Variants in CCDC74B observed in about 807,000 individuals in gnomAD.
CCDC74B encodes coiled-coil domain containing 74B, also known as coiled-coil domain-containing protein 74B.
A neutral mutation model predicts 38.0 loss-of-function variants in CCDC74B; 34 were observed. That is an observed-to-expected ratio of 0.89 (90% CI 0.68 to 1.19). The LOEUF is 1.19. Ranked by LOEUF, CCDC74B falls within the 50% of genes most tolerant of loss-of-function variation. The probability of loss-of-function intolerance (pLI) is 0.00; values close to 1 mark genes in which losing one functional copy is unlikely to be tolerated. For missense variants in CCDC74B, 358 were observed against 406.0 expected (o/e 0.88, Z 1.02); for synonymous variants, 132 against 170.4 (o/e 0.77, Z 1.76).
chr2:130,143,057 T>A (rs1169873445), intron 2 of CCDC74B: 1 of 1,488,544 alleles, frequency 6.7e-7, no homozygotes, highest in Admixed American at 2.4e-5. Context: ...CCTCAGGCCC[T>A]GGGCTTCCTG....
In CCDC74B at chr2:130,140,212, C is replaced by T. The variant is rs538872305; in HGVS notation, c.645G>A (p.Glu215=). 4.2e-5 allele frequency: 67 copies of T among 1,613,294 alleles called. No homozygotes were observed. In the South Asian group the frequency reaches 7.1e-4, roughly 17 times the overall value. Residue 215 remains glutamate (E), a synonymous_variant, in exon 5 of 8, where the codon GAG becomes GAA. Coordinates refer to ENST00000409943, the MANE Select transcript of CCDC74B (RefSeq NM_001258307.2). ...TLRQCEVLIR[E]LWNTNLLQTQ... ...TCTGCAGGAGGTTGGTATTCCACAGCTCGCGGATGAGCACTTCGCACTGCC... is the reference window on the plus strand; with the variant it reads ...TCTGCAGGAGGTTGGTATTCCACAGTTCGCGGATGAGCACTTCGCACTGCC...
Position 130,139,986 on chromosome 2 carries a change from C to A in CCDC74B, c.752+37G>T, listed in dbSNP as rs2258632. The stretch of plus-strand genomic sequence containing the variant: ...GAGTCAGCAGTGAGCTGTGGATAGG[C>A]CCCCAGGGATGGGGCAGGGGTGCAC... On this transcript the variant is annotated intron_variant, in intron 6 of 7. Transcript: ENST00000409943. 0.29 allele frequency: 351,027 copies of A among 1,204,022 alleles called. 98,862 individuals are homozygous for A. The highest frequency in any genetic ancestry group is 0.41 in the East Asian group (16,411 of 40,356). The allele number at this position is 1,204,022 out of a possible 1,614,324, so 74.6% of individuals were successfully genotyped here.
rs988948017 is a variant in CCDC74B at position 130,144,916 on chromosome 2, G to A, written c.81C>T (p.Pro27=). The A allele has an allele frequency of 1.9e-6, 3 of 1,562,290 alleles. No homozygotes were observed. The African/African-American group carries it at 4.2e-5, about 22-fold the overall frequency. ...TPGSRRRRQR[P]SVGVQSLRPQ... ...GCCTCAAGGACTGGACGCCCACAGA[G>A]GGGCGCTGGCGCCGGCGCCGAGAGC... The change falls in exon 1 of 8, where the codon CCC becomes CCT. Residue 27 remains proline, a synonymous_variant. Transcript: ENST00000409943.
At chr2:130,143,384 GTCCTC>G in intron 1 of CCDC74B, 71 bp from the exon 2 acceptor site, 2 of 1,597,132 alleles carry the variant, frequency 1.3e-6, no homozygotes, top group Admixed American at 3.3e-5. Flanking sequence ...AGCCTGGCCT[GTCCTC>G]TCCTGGCTGC....
rs764452045 is a variant in CCDC74B, at chr2:130,140,280, G to C, written c.577C>G (p.Pro193Ala). Residue 193 changes from proline to alanine, a missense_variant, in exon 5 of 8, where the codon CCA becomes GCA. By Grantham distance (27) the Pro-to-Ala change is conservative. Around this residue, in one of 3 missense-constraint regions of CCDC74B, gnomAD observed 213 missense variants for 212.3 expected, o/e 1.00. Transcript: ENST00000409943. The stretch of plus-strand genomic sequence containing the variant: ...CGCAGGGGAAGGGGCAGGATCATTG[G>C]GGGGTGTGCCGCCGCCCCCATCTGC... ...GRQMGAAAHP[P>A]MILPLPLRKP... The C allele has an allele frequency of 6.8e-6, 11 of 1,612,740 alleles. No individual in the cohort carries two copies. Among genetic ancestry groups the C allele is most frequent in the African/African-American group, 2.7e-5 (2 of 74,900 alleles).
Position 130,144,737 on chromosome 2 carries a change from G to T in CCDC74B, c.250+10C>A, listed in dbSNP as rs769533837. The T allele has an allele frequency of 7.4e-6, 12 of 1,611,014 alleles. No homozygotes were observed. In the East Asian group the frequency reaches 2.2e-4, roughly 30 times the overall value. ...AGGCAGGGCCGGCCTAGGGCCCCGC[G>T]CCGGCTCACCCTTGTTTTCCCGCTT... On this transcript the variant is annotated intron_variant, in intron 1 of 7. Coordinates refer to ENST00000409943, the MANE Select transcript of CCDC74B (RefSeq NM_001258307.2).
In CCDC74B at chr2:130,142,176, G is replaced by C. The variant is rs1321190744; in HGVS notation, c.303C>G (p.Leu101=). The C allele has an allele frequency of 6.2e-7, 1 of 1,613,642 alleles. No homozygotes were observed. The highest frequency in any genetic ancestry group is 8.5e-7 in the Non-Finnish European group (1 of 1,179,840). Residue 101 remains leucine, a synonymous_variant, in exon 3 of 8, where the codon CTC becomes CTG. Transcript: ENST00000409943. ...MNQTSQKKDS[L]STSSFQSVKS... ...TGACAGACTGGAAGCTTGACGTGGA[G>C]AGGCTGTCTGCAGGAGAGCGCACAG... is the stretch of plus-strand genomic sequence containing the variant.
intron 1 of CCDC74B, chr2:130,144,474 C>T (rs1257572194): frequency 8.9e-6 from 13 of 1,458,536 alleles, no homozygotes; most frequent in Admixed American, 2.0e-5. Flanking sequence ...TGTGTCTGAC[C>T]CTGCTTGGAG....
chr2:130,144,287 C>A (rs1430996023), intron 1 of CCDC74B: 2 of 444,246 alleles, frequency 4.5e-6, no homozygotes, highest in Admixed American at 5.8e-5. Flanking sequence ...CTACAGACGC[C>A]CACCACCACA....
At position 130,139,946 on chromosome 2, in the gene CCDC74B, C is replaced by A. The variant is rs375465316; in HGVS notation, c.754G>T (p.Asp252Tyr). Residue 252 changes from aspartate to tyrosine, a missense_variant and splice_region_variant, in exon 7 of 8, where the codon GAC becomes TAC. By Grantham distance (160) the Asp-to-Tyr change is radical. Coordinates refer to ENST00000409943, the MANE Select transcript of CCDC74B (RefSeq NM_001258307.2). ...AVPEEASFPRDQEATHFPKVS... is the reference protein window; with the variant it reads ...AVPEEASFPRYQEATHFPKVS... The stretch of plus-strand genomic sequence containing the variant: ...TTGGGGAAATGCGTGGCTTCTTGGT[C>A]CCTGGGTGAAGGAAGAGTCAGCAGT... The A allele has an allele frequency of 1.2e-6, 2 of 1,611,398 alleles. No individual in the cohort carries two copies. Among genetic ancestry groups the A allele is most frequent in the Non-Finnish European group, 1.7e-6 (2 of 1,178,792 alleles).
chr2:130,142,585 G>A (rs1252625017), intron 2 of CCDC74B: 2 of 1,548,520 alleles, frequency 1.3e-6, no homozygotes, highest in African/African-American at 2.7e-5. Context: ...GTCTCTCTGG[G>A]AAGGGAGAGC....
At chr2:130,142,825 G>C (rs1305881119) in intron 2 of CCDC74B, 1 of 1,550,132 alleles carries the variant, frequency 6.5e-7, no homozygotes, top group Non-Finnish European at 8.7e-7. Context: ...TGCCCAGATG[G>C]CAGGAAGGGA....
In CCDC74B at chr2:130,139,952, G is replaced by A; in HGVS notation, c.753-5C>T. 6.2e-7 allele frequency: 1 copy of A among 1,611,138 alleles called. No homozygotes were observed. Among genetic ancestry groups the A allele is most frequent in the Non-Finnish European group, 8.5e-7 (1 of 1,178,678 alleles). ...AAATGCGTGGCTTCTTGGTCCCTGG[G>A]TGAAGGAAGAGTCAGCAGTGAGCTG... On this transcript the variant is annotated splice_polypyrimidine_tract_variant and splice_region_variant and intron_variant, in intron 6 of 7. Coordinates refer to ENST00000409943, the MANE Select transcript of CCDC74B (RefSeq NM_001258307.2).
At chr2:130,141,566 A>C (rs542474668) in intron 3 of CCDC74B, 1 of 544,192 alleles carries the variant, frequency 1.8e-6, no homozygotes, top group Non-Finnish European at 3.2e-6. Flanking sequence ...ATGAAACTGC[A>C]TGAGAGGCTT....
rs375087118 is a variant in CCDC74B, at chr2:130,139,476, G to A, written c.*79C>T. Reference sequence around the variant, plus strand: ...GAATTTAGCCAGGCCTAAAAGTAGCGGAAGTGTCAGGAAATGCTATAGAGA... The same window carrying A: ...GAATTTAGCCAGGCCTAAAAGTAGCAGAAGTGTCAGGAAATGCTATAGAGA... On this transcript the variant is annotated 3_prime_UTR_variant, in exon 8 of 8. Transcript: ENST00000409943. 2.0e-4 allele frequency: 298 copies of A among 1,525,474 alleles called. 2 individuals are homozygous for A. The African/African-American group carries it at 3.2e-3, about 16-fold the overall frequency. The allele number at this position is 1,525,474 out of a possible 1,614,324, so 94.5% of individuals were successfully genotyped here.
At chr2:130,143,212 G>A (rs1221918651) in intron 2 of CCDC74B, 57 bp downstream of exon 2, 1 of 1,589,462 alleles carries the variant, frequency 6.3e-7, no homozygotes, top group Non-Finnish European at 8.6e-7. Flanking sequence ...ACAGTCTGGA[G>A]GGGCTCCCCT....
At position 130,141,682 on chromosome 2, in the gene CCDC74B, G is replaced by A. The variant is rs1573634628; in HGVS notation, c.347-386C>T. On this transcript the variant is annotated intron_variant, in intron 3 of 7. Coordinates refer to ENST00000409943, the MANE Select transcript of CCDC74B (RefSeq NM_001258307.2). ...AGGGCTGGGCTGAGGAAAATGCCCGGCCTCACAGAGTGGGGAAAAGAGGCT... is the reference window on the plus strand; with the variant it reads ...AGGGCTGGGCTGAGGAAAATGCCCGACCTCACAGAGTGGGGAAAAGAGGCT... The A allele has an allele frequency of 2.8e-5, 10 of 361,986 alleles. No individual in the cohort carries two copies. The East Asian group carries it at 6.1e-4, about 22-fold the overall frequency. The allele number at this position is 361,986 out of a possible 1,614,324, so 22.4% of individuals were successfully genotyped here. A position where few individuals can be genotyped will look rare whatever the true frequency, so the allele number is the denominator to read the frequency against.
At chr2:130,142,843 A>G (rs1382480591) in intron 2 of CCDC74B, 1 of 1,550,142 alleles carries the variant, frequency 6.5e-7, no homozygotes, top group Non-Finnish European at 8.7e-7. Context: ...GGATCCCTGG[A>G]TGGAGTGTGT....
chr2:130,142,033 C>T (rs1406396103), intron 3 of CCDC74B, 100 bp downstream of exon 3: 73 of 1,494,598 alleles, frequency 4.9e-5, no homozygotes, highest in Non-Finnish European at 6.1e-5. Flanking sequence ...TGGAGCTTGG[C>T]CCAGCAGAGG....
Sources: gnomAD v4.1 joint callset for allele counts on GRCh38, gnomAD v4.1.1 for gene constraint, gnomAD v4.1.1 regional missense constraint, MANE v1.5 for transcripts, NCBI Gene and HGNC (gene_info 2026-07-23, HGNC 2026-07-21) for gene names.